OR2L3: variants seen among roughly 807,000 people sequenced by gnomAD.
OR2L3 encodes olfactory receptor family 2 subfamily L member 3.
For synonymous variants in OR2L3, 131 were observed against 139.1 expected, an observed-to-expected ratio of 0.94 and a Z score of 0.41; for missense variants, 369 against 376.6, an observed-to-expected ratio of 0.98 and a Z score of 0.17.
intron 1 of OR2L3, among the ~76,000 whole-genome samples, chr1:248,049,906 A>G (rs1289254619): frequency 1.3e-5 from 2 of 152,214 alleles, no homozygotes; most frequent in East Asian, 1.9e-4. Flanking sequence ...ATATGTATGT[A>G]TATATGTATA....
intron 1 of OR2L3, among the ~76,000 whole-genome samples, chr1:248,059,986 C>T (rs955753466): frequency 2.0e-5 from 3 of 151,442 alleles, no homozygotes; most frequent in African/African-American, 7.3e-5. Context: ...ATGCAGTGAG[C>T]TATGATATTG....
In OR2L3 at chr1:248,061,726, C is replaced by A; in HGVS notation, c.*106C>A. 1 of 1,059,558 alleles carries A rather than the reference C, an allele frequency of 9.4e-7. No individual in the cohort carries two copies. The highest frequency in any genetic ancestry group is 1.3e-6 in the Non-Finnish European group (1 of 764,902). The allele number at this position is 1,059,558 out of a possible 1,614,324, so 65.6% of individuals were successfully genotyped here. A position where few individuals can be genotyped will look rare whatever the true frequency, so the allele number is the denominator to read the frequency against. ...CTAGAGTTCAGGAGCTAAAAGTAATCAAGGTAAGAGAAAAAAATCACTGAT... is the reference window on the plus strand; with the variant it reads ...CTAGAGTTCAGGAGCTAAAAGTAATAAAGGTAAGAGAAAAAAATCACTGAT... On this transcript the variant is annotated 3_prime_UTR_variant, in exon 2 of 2. Transcript: ENST00000359959.
chr1:248,054,367 G>A (rs1331028563), intron 1 of OR2L3, among the ~76,000 whole-genome samples: 1 of 152,102 alleles, frequency 6.6e-6, no homozygotes, highest in African/African-American at 2.4e-5. Flanking sequence ...TAGCTTTGTA[G>A]TATAGTTTGC....
rs1311337169 is a variant in OR2L3, at chr1:248,061,547, A to G, written c.866A>G (p.Tyr289Cys). The change falls in exon 2 of 2, where the codon TAT (tyrosine) becomes TGT (cysteine). Residue 289 changes from tyrosine to cysteine, a missense_variant. Tyr to Cys is a radical substitution (Grantham distance 194). Transcript: ENST00000359959. ...ACTCCAATGCTCAACCCCATCATCT[A>G]TAGCCTGAGGAACAAGGAGGTGATG... Reference protein sequence around the residue: ...TLTPMLNPIIYSLRNKEVMGA... With the variant: ...TLTPMLNPIICSLRNKEVMGA... 3 of 1,613,870 alleles carry G rather than the reference A, an allele frequency of 1.9e-6. No individual in the cohort carries two copies. Among genetic ancestry groups the G allele is most frequent in the African/African-American group, 1.3e-5 (1 of 74,994 alleles).
At position 248,062,151 on chromosome 1, in the gene OR2L3, A is replaced by G. The variant is rs1261845788; in HGVS notation, c.*531A>G. 3 of 153,288 alleles carry G rather than the reference A, an allele frequency of 2.0e-5. No individual in the cohort carries two copies. The highest frequency in any genetic ancestry group is 4.4e-5 in the Non-Finnish European group (3 of 68,856). 9.5% of individuals were successfully genotyped at this position (153,288 alleles called of 1,614,324 possible). A position where few individuals can be genotyped will look rare whatever the true frequency, so the allele number is the denominator to read the frequency against. ...TACACAGTTTAGCAGAGAGCTCATC[A>G]GGGATTCTTAAGTCCTGATACCACT... On this transcript the variant is annotated 3_prime_UTR_variant, in exon 2 of 2. Coordinates refer to ENST00000359959, the MANE Select transcript of OR2L3 (RefSeq NM_001004687.2).
rs147939920 is a variant in OR2L3 at position 248,060,756 on chromosome 1, C to T, written c.75C>T (p.Phe25=). ...TCCCACCATCAAGAATTGGCCTTTT[C>T]CTCTTCATCCTCATTGTTTTCATTT... is the stretch of plus-strand genomic sequence containing the variant. ...GFFPPSRIGL[F]LFILIVFIFL... Residue 25 remains phenylalanine (F), a synonymous_variant, in exon 2 of 2, where the codon TTC becomes TTT. Transcript: ENST00000359959. 6.2e-7 allele frequency: 1 copy of T among 1,614,050 alleles called. No individual in the cohort carries two copies. Among genetic ancestry groups the T allele is most frequent in the South Asian group, 1.1e-5 (1 of 91,074 alleles).
At chr1:248,059,135 T>C (rs1225652215) in intron 1 of OR2L3, among the ~76,000 whole-genome samples, 1 of 152,178 alleles carries the variant, frequency 6.6e-6, no homozygotes, top group Non-Finnish European at 1.5e-5. Context: ...AGTATGATCA[T>C]GTGTGATTAT....
intron 1 of OR2L3, among the ~76,000 whole-genome samples, chr1:248,050,454 G>A (rs1186531179): frequency 6.6e-6 from 1 of 151,948 alleles, no homozygotes; most frequent in African/African-American, 2.4e-5. Flanking sequence ...TTCCTGTCAG[G>A]AACCAGCCTT....
In OR2L3 at chr1:248,062,624, A is replaced by T. The variant is rs1315550240; in HGVS notation, c.*1004A>T. The T allele has an allele frequency of 6.6e-6, 1 of 152,250 alleles. No individual in the cohort carries two copies. The highest frequency in any genetic ancestry group is 1.5e-5 in the Non-Finnish European group (1 of 68,044). The allele number at this position is 152,250 out of a possible 1,614,324, so 9.4% of individuals were successfully genotyped here. A position where few individuals can be genotyped will look rare whatever the true frequency, so the allele number is the denominator to read the frequency against. On this transcript the variant is annotated 3_prime_UTR_variant, in exon 2 of 2. Coordinates refer to ENST00000359959, the MANE Select transcript of OR2L3 (RefSeq NM_001004687.2). ...GGATGGCTAATAGTTGCAAAAATAT[A>T]ATTAGATAGAATGAATAAGAGTATT...
rs913433403 is a variant in OR2L3 at position 248,055,115 on chromosome 1, A to G, written c.-21-5546A>G. Among the ~76,000 whole-genome samples, 118 of 152,050 alleles carry G rather than the reference A, an allele frequency of 7.8e-4. 1 individual carries two copies. Among genetic ancestry groups the G allele is most frequent in the Non-Finnish European group, 1.9e-4 (13 of 67,992 alleles). The stretch of plus-strand genomic sequence containing the variant: ...CTTATTATTTTGATGTATGTTCCTT[A>G]AATACCTAATTTGTTGAGAGTTTTT... On this transcript the variant is annotated intron_variant, in intron 1 of 1. Transcript: ENST00000359959.
Position 248,058,381 on chromosome 1 carries a change from G to A in OR2L3, c.-21-2280G>A, listed in dbSNP as rs866195011. On this transcript the variant is annotated intron_variant, in intron 1 of 1. Coordinates refer to ENST00000359959, the MANE Select transcript of OR2L3 (RefSeq NM_001004687.2). ...ATGGATAGTAACTGCTCCCTCCTCC[G>A]TCATCACCCCCAGGTTCCTTACACT... 1.1e-4 allele frequency among the ~76,000 whole-genome samples: 16 copies of A among 152,052 alleles called. No homozygotes were observed. In the South Asian group the frequency reaches 1.2e-3, roughly 12 times the overall value.
intron 1 of OR2L3, among the ~76,000 whole-genome samples, chr1:248,050,499 T>C (rs1262694847): frequency 6.6e-6 from 1 of 151,986 alleles, no homozygotes; most frequent in African/African-American, 2.4e-5. Flanking sequence ...TAATAGGACA[T>C]TAGAATATTA....
At chr1:248,052,320 G>C (rs569169680) in intron 1 of OR2L3, among the ~76,000 whole-genome samples, 1 of 152,046 alleles carries the variant, frequency 6.6e-6, no homozygotes, top group Non-Finnish European at 1.5e-5. Context: ...TTTGAAAAAA[G>C]GTTACCATGT....
rs548423031 is a variant in OR2L3, at chr1:248,062,757, A to C, written c.*1137A>C. 17 of 152,302 alleles carry C rather than the reference A, an allele frequency of 1.1e-4. 1 individual carries two copies. Among genetic ancestry groups the C allele is most frequent in the African/African-American group, 4.1e-4 (17 of 41,574 alleles). The allele number at this position is 152,302 out of a possible 1,614,324, so 9.4% of individuals were successfully genotyped here. A position where few individuals can be genotyped will look rare whatever the true frequency, so the allele number is the denominator to read the frequency against. On this transcript the variant is annotated 3_prime_UTR_variant, in exon 2 of 2. Coordinates refer to ENST00000359959, the MANE Select transcript of OR2L3 (RefSeq NM_001004687.2). ...GAATTGGAATGTTCCCAACACAAAG[A>C]AATAACCATATTTGAGGTGATGGTT...
At chr1:248,048,329 A>G (rs1663147052) in intron 1 of OR2L3, among the ~76,000 whole-genome samples, 1 of 152,192 alleles carries the variant, frequency 6.6e-6, no homozygotes, top group South Asian at 2.1e-4. Context: ...ACAAATACAC[A>G]TTGTGTAAAT....
chr1:248,061,151 C>G lies in OR2L3; in HGVS notation c.470C>G (p.Ala157Gly), dbSNP rs1663618396. The G allele has an allele frequency of 1.1e-5, 18 of 1,613,182 alleles. No individual in the cohort carries two copies. Among genetic ancestry groups the G allele is most frequent in the Non-Finnish European group, 1.4e-5 (17 of 1,179,566 alleles). ...ATCATAGGCTCGATCAATGCTTGTG[C>G]TCACACTGTATATGTACTCCATATT... ...SWIIGSINAC[A>G]HTVYVLHIPY... The change falls in exon 2 of 2, where the codon GCT becomes GGT. Residue 157 changes from alanine to glycine, a missense_variant. Ala to Gly is a moderately conservative substitution (Grantham distance 60). Coordinates refer to ENST00000359959, the MANE Select transcript of OR2L3 (RefSeq NM_001004687.2).
chr1:248,051,774 T>TTTA (rs1480545415), intron 1 of OR2L3, among the ~76,000 whole-genome samples: 1 of 151,960 alleles, frequency 6.6e-6, no homozygotes, highest in African/African-American at 2.4e-5. Flanking sequence ...TTTTATTTTA[T>TTTA]TTATTTATTT....
At chr1:248,052,237 G>T (rs1663284093) in intron 1 of OR2L3, among the ~76,000 whole-genome samples, 1 of 152,104 alleles carries the variant, frequency 6.6e-6, no homozygotes, top group South Asian at 2.1e-4. Context: ...TATCTTGAAT[G>T]TAAATATCCA....
At position 248,061,844 on chromosome 1, in the gene OR2L3, C is replaced by A; in HGVS notation, c.*224C>A. 1 of 387,202 alleles carries A rather than the reference C, an allele frequency of 2.6e-6. No homozygotes were observed. The highest frequency in any genetic ancestry group is 8.1e-5 in the South Asian group (1 of 12,382). 24.0% of individuals were successfully genotyped at this position (387,202 alleles called of 1,614,324 possible). ...TTGTTTCCATAAATTTTGAAAGCAC[C>A]TACTTTTACTAATATGTTGTCAATG... On this transcript the variant is annotated 3_prime_UTR_variant, in exon 2 of 2. Transcript: ENST00000359959.
Sources: allele counts gnomAD v4.1 joint callset (sites outside exome capture counted in the v4.1 genomes callset), GRCh38; gene constraint gnomAD v4.1.1; transcripts MANE v1.5; gene names NCBI Gene and HGNC (gene_info 2026-07-23, HGNC 2026-07-21).